The following CNTN5 variants were observed in gnomAD, a reference collection of about 807,000 sequenced individuals.
CNTN5 encodes the protein contactin-5.
A neutral mutation model predicts 129.1 loss-of-function variants in CNTN5; 77 were observed. That is an observed-to-expected ratio of 0.60 (90% CI 0.50 to 0.72). CNTN5 has a LOEUF of 0.72. CNTN5 is among the 30% of genes least tolerant of loss of function. The pLI is 0.00. For synonymous variants in CNTN5, 509 were observed against 465.6 expected (o/e 1.09, Z -1.20); for missense variants, 1,478 against 1,328.8 (o/e 1.11, Z -1.75).
At chr11:99,918,335 A>G (rs1034647792) in intron 7 of CNTN5, among the ~76,000 whole-genome samples, 4 of 152,162 alleles carry the variant, frequency 2.6e-5, no homozygotes, top group South Asian at 4.1e-4. Context: ...ACAATCCCAA[A>G]AACCAAAGCA....
chr11:99,143,122 A>G (rs1055156695), intron 1 of CNTN5, among the ~76,000 whole-genome samples: 2 of 151,960 alleles, frequency 1.3e-5, no homozygotes, highest in African/African-American at 4.8e-5. Context: ...CATATTGGCT[A>G]TTTCTGTAAT....
At chr11:99,415,823 C>A (rs1366985855) in intron 2 of CNTN5, among the ~76,000 whole-genome samples, 1 of 152,122 alleles carries the variant, frequency 6.6e-6, no homozygotes, top group Non-Finnish European at 1.5e-5. Flanking sequence ...CTCTTCAACA[C>A]TTTAGAATGG....
intron 1 of CNTN5, among the ~76,000 whole-genome samples, chr11:99,149,695 C>T (rs1859953234): frequency 2.0e-5 from 3 of 151,808 alleles, no homozygotes; most frequent in African/African-American, 7.3e-5. Flanking sequence ...TTACAAAATC[C>T]CACACTGCTT....
At chr11:100,033,285 G>A (rs1329414347) in intron 9 of CNTN5, among the ~76,000 whole-genome samples, 3 of 152,112 alleles carry the variant, frequency 2.0e-5, no homozygotes, top group Non-Finnish European at 4.4e-5. Context: ...TGAGAGTGAG[G>A]CAGGAAATAA....
At chr11:99,519,334 TAACATCATGCTGC>T (rs1947183046) in intron 2 of CNTN5, among the ~76,000 whole-genome samples, 3 of 152,098 alleles carry the variant, frequency 2.0e-5, no homozygotes, top group Non-Finnish European at 4.4e-5. Flanking sequence ...CTCTTCTTCT[TAACATCATGCTGC>T]TATCCTTACA....
At chr11:100,038,243 A>G (rs1472068864) in intron 9 of CNTN5, among the ~76,000 whole-genome samples, 1 of 152,016 alleles carries the variant, frequency 6.6e-6, no homozygotes, top group African/African-American at 2.4e-5. Flanking sequence ...GTCATTCAGG[A>G]GCAGGTTGTT....
intron 3 of CNTN5, among the ~76,000 whole-genome samples, chr11:99,576,363 A>G (rs1390237262): frequency 6.6e-6 from 1 of 152,240 alleles, no homozygotes; most frequent in African/African-American, 2.4e-5. Context: ...TGTTTAAAGC[A>G]GTAATTGGAG....
intron 13 of CNTN5, among the ~76,000 whole-genome samples, chr11:100,181,263 G>C (rs141815722): frequency 9.4e-4 from 142 of 151,570 alleles, no homozygotes; most frequent in African/African-American, 3.2e-3. Flanking sequence ...CAATTTGGAT[G>C]AGCCTCCAGG....
At chr11:99,907,668 C>A (rs1358493338) in intron 6 of CNTN5, among the ~76,000 whole-genome samples, 8 of 151,570 alleles carry the variant, frequency 5.3e-5, no homozygotes, top group Admixed American at 2.6e-4. Context: ...AATATAAAGT[C>A]TTCTAATGTA....
intron 1 of CNTN5, among the ~76,000 whole-genome samples, chr11:99,027,833 T>G (rs760776441): frequency 1.5e-4 from 22 of 151,666 alleles, no homozygotes; most frequent in Non-Finnish European, 2.5e-4. Flanking sequence ...TGAATTCAAG[T>G]TTTAAGACTT....
intron 21 of CNTN5, among the ~76,000 whole-genome samples, chr11:100,321,312 C>A (rs1951691495): frequency 7.4e-6 from 1 of 134,672 alleles, no homozygotes; most frequent in Non-Finnish European, 1.6e-5. Flanking sequence ...TTTTTGGTAG[C>A]TATTTTAAAT....
chr11:99,953,803 GGC>G (rs1489712807), intron 7 of CNTN5, among the ~76,000 whole-genome samples: 2 of 152,128 alleles, frequency 1.3e-5, no homozygotes, highest in Non-Finnish European at 2.9e-5. Flanking sequence ...ATGTATTTGT[GGC>G]CCAAATGCGT....
In CNTN5 at chr11:99,036,872, C is replaced by T. The variant is rs368646652; in HGVS notation, c.-210+15602C>T. Among the ~76,000 whole-genome samples, 20 of 152,278 alleles carry T rather than the reference C, an allele frequency of 1.3e-4. No individual in the cohort carries two copies. The South Asian group carries it at 2.3e-3, about 17-fold the overall frequency. ...ATTTGACCTATGGTTCCTACCCATT[C>T]GCCAGTGATGTTCTGAGTTGATCTT... On this transcript the variant is annotated intron_variant, in intron 1 of 24. Transcript: ENST00000524871.
At chr11:99,481,161 G>T (rs369635254) in intron 2 of CNTN5, among the ~76,000 whole-genome samples, 3 of 151,852 alleles carry the variant, frequency 2.0e-5, no homozygotes, top group South Asian at 2.1e-4. Context: ...TGCATTCAAA[G>T]GTTCTTGCCA....
intron 9 of CNTN5, among the ~76,000 whole-genome samples, chr11:100,050,863 A>G (rs532446129): frequency 1.1e-3 from 162 of 152,246 alleles, no homozygotes; most frequent in Non-Finnish European, 1.7e-3. Context: ...TTATGATAAT[A>G]AAAAGATTAA....
intron 1 of CNTN5, among the ~76,000 whole-genome samples, chr11:99,110,108 C>T (rs1201603225): frequency 6.6e-6 from 1 of 152,028 alleles, no homozygotes; most frequent in African/African-American, 2.4e-5. Context: ...TCGGAGTGCA[C>T]AGAGCTTGCC....
At chr11:99,518,987 C>T (rs998782919) in intron 2 of CNTN5, among the ~76,000 whole-genome samples, 1 of 152,042 alleles carries the variant, frequency 6.6e-6, no homozygotes, top group African/African-American at 2.4e-5. Flanking sequence ...CTTTTGAAAA[C>T]TCAAACCTAA....
chr11:99,458,779 G>T (rs1003119604), intron 2 of CNTN5, among the ~76,000 whole-genome samples: 5 of 152,004 alleles, frequency 3.3e-5, no homozygotes, highest in Admixed American at 1.3e-4. Context: ...AAAACCTGAA[G>T]TCTGGGGAAC....
chr11:99,114,897 T>C (rs1006690144), intron 1 of CNTN5, among the ~76,000 whole-genome samples: 2 of 152,200 alleles, frequency 1.3e-5, no homozygotes, highest in East Asian at 1.9e-4. Flanking sequence ...TAATGCCTAG[T>C]GTGATGCTAT....
Sources: allele counts gnomAD v4.1 joint callset (sites outside exome capture counted in the v4.1 genomes callset), GRCh38; gene constraint gnomAD v4.1.1; transcripts MANE v1.5; gene names NCBI Gene and HGNC (gene_info 2026-07-23, HGNC 2026-07-21).